SYT12: variants seen among roughly 807,000 people sequenced by gnomAD.
SYT12 encodes synaptotagmin 12.
In SYT12, 27 loss-of-function variants were observed where a neutral mutation model predicts 39.5. The ratio of observed to expected loss-of-function variants is 0.68; its 90% CI spans 0.50 to 0.94. The LOEUF is 0.94. SYT12 is among the 40% of genes least tolerant of loss of function. The pLI, the probability that SYT12 is intolerant of heterozygous loss-of-function variation, is 0.00. For missense variants in SYT12, 536 were observed against 572.6 expected (o/e 0.94, Z 0.65); for synonymous variants, 233 against 239.7 (o/e 0.97, Z 0.26).
chr11:67,019,846 G>A (rs1021594500), upstream of SYT12, among the ~76,000 whole-genome samples: 1 of 149,406 alleles, frequency 6.7e-6, no homozygotes, highest in African/African-American at 2.5e-5. Context: ...GCAGTAAGCC[G>A]TCTTTGTGCC....
Position 67,046,031 on chromosome 11 carries a change from C to T in SYT12, c.1092+154C>T, listed in dbSNP as rs940147282. 2.6e-5 allele frequency among the ~76,000 whole-genome samples: 4 copies of T among 151,980 alleles called. No individual in the cohort carries two copies. In the East Asian group the frequency reaches 7.8e-4, roughly 29 times the overall value. ...AGTTATTGAGTGCCACTGGGGCCAG[C>T]CCTAGGGTGGGTGCTGGGGACACAG... On this transcript the variant is annotated intron_variant, in intron 7 of 7. Transcript: ENST00000527043.
rs778561186 is a variant in SYT12 at position 67,040,008 on chromosome 11, C to T, written c.426C>T (p.Ser142=). ...QSADSLNSIS[S]VSNTFGQDFT... ...CCGACTCCCTGAACTCCATCTCCTC[C>T]GTGAGCAACACCTTTGGGCAGGACT... The change falls in exon 4 of 8, where the codon TCC becomes TCT. Residue 142 remains serine (S), a synonymous_variant. Transcript: ENST00000527043. The T allele has an allele frequency of 3.7e-6, 6 of 1,613,882 alleles. No homozygotes were observed. Among genetic ancestry groups the T allele is most frequent in the Non-Finnish European group, 5.1e-6 (6 of 1,180,020 alleles).
At chr11:67,019,838 A>G (rs1247051232), upstream of SYT12, among the ~76,000 whole-genome samples, 2 of 151,182 alleles carry the variant, frequency 1.3e-5, no homozygotes, top group African/African-American at 4.9e-5. Context: ...TCAAGGCTGC[A>G]GTAAGCCGTC....
Position 67,044,665 on chromosome 11 carries a change from G to T in SYT12, c.910G>T (p.Val304Leu). The part of the protein sequence containing the change: ...LPTAERLTVV[V>L]VKAKNLIWTN... ...CACAGCCGAGCGCCTCACCGTGGTC[G>T]TGGTTAAGGCCAAGAACCTCATCTG... The change falls in exon 6 of 8, where the codon GTG becomes TTG. Residue 304 changes from valine (V) to leucine (L), a missense_variant. Val to Leu is a conservative substitution (Grantham distance 32). Transcript: ENST00000527043. 5 of 1,613,720 alleles carry T rather than the reference G, an allele frequency of 3.1e-6. No homozygotes were observed. The highest frequency in any genetic ancestry group is 4.2e-6 in the Non-Finnish European group (5 of 1,179,998).
intron 3 of SYT12, among the ~76,000 whole-genome samples, chr11:67,036,665 G>A (rs1159497267): frequency 6.6e-6 from 1 of 152,180 alleles, no homozygotes; most frequent in Non-Finnish European, 1.5e-5. Flanking sequence ...GCCTGGTGTG[G>A]TGGCTCACGC....
At chr11:67,012,774 G>A (rs1950022492) in intron 3 of SYT12, among the ~76,000 whole-genome samples, 1 of 152,170 alleles carries the variant, frequency 6.6e-6, no homozygotes, top group Non-Finnish European at 1.5e-5. Context: ...TGCAGTTGAG[G>A]AAACTGAGGC....
intron 7 of SYT12, among the ~76,000 whole-genome samples, chr11:67,047,775 C>T (rs1197566017): frequency 8.4e-6 from 1 of 118,466 alleles, no homozygotes; most frequent in Non-Finnish European, 1.7e-5. Context: ...AAACCCCCAT[C>T]TCTTTTTTTT....
chr11:67,020,524 A>G (rs1042859727), upstream of SYT12, among the ~76,000 whole-genome samples: 2 of 152,214 alleles, frequency 1.3e-5, no homozygotes, highest in African/African-American at 4.8e-5. Flanking sequence ...CACAAAGTGA[A>G]CACACCCAGG....
rs780489002 is a variant in SYT12 at position 67,045,840 on chromosome 11, A to C, written c.1055A>C (p.Glu352Ala). 2.0e-5 allele frequency: 33 copies of C among 1,613,296 alleles called. No homozygotes were observed. The highest frequency in any genetic ancestry group is 2.7e-5 in the Non-Finnish European group (32 of 1,179,822). ...KRDDPNPVFN[E>A]AMIFSVPAIV... ...GATGACCCCAACCCGGTGTTCAACG[A>C]AGCCATGATCTTCTCGGTGCCAGCC... The change falls in exon 7 of 8, where the codon GAA (glutamate) becomes GCA (alanine). Residue 352 changes from glutamate to alanine, a missense_variant. Transcript: ENST00000527043.
intron 3 of SYT12, among the ~76,000 whole-genome samples, chr11:67,037,138 C>T (rs530745476): frequency 6.6e-6 from 1 of 152,158 alleles, no homozygotes; most frequent in East Asian, 1.9e-4. Context: ...GCCTGTAATT[C>T]CAGCTACTCA....
rs148852502 is a variant in SYT12 at position 67,025,350 on chromosome 11, A to G, written c.-24+1890A>G. Among the ~76,000 whole-genome samples the G allele has an allele frequency of 1.9e-3, 284 of 152,314 alleles. 2 individuals carry two copies. Among genetic ancestry groups the G allele is most frequent in the African/African-American group, 6.6e-3 (274 of 41,572 alleles). ...GAACCTAGAGCTGTTTTCAATGAGT[A>G]AGCTCTGTGCAGTTTAGGGTCTGGG... On this transcript the variant is annotated intron_variant, in intron 1 of 7. Coordinates refer to ENST00000527043, the MANE Select transcript of SYT12 (RefSeq NM_177963.4).
intron 3 of SYT12, among the ~76,000 whole-genome samples, chr11:67,011,652 G>A (rs1591348348): frequency 6.6e-6 from 1 of 152,154 alleles, no homozygotes; most frequent in Non-Finnish European, 1.5e-5. Context: ...TTCCACAGAG[G>A]CTCTTGGTAT....
chr11:67,044,958 G>A (rs1370569192), intron 6 of SYT12, among the ~76,000 whole-genome samples: 1 of 152,112 alleles, frequency 6.6e-6, no homozygotes, highest in Non-Finnish European at 1.5e-5. Context: ...GAGTGAAGGG[G>A]GTCAGAGTGA....
At chr11:67,033,809 AG>A (rs1338637054) in intron 2 of SYT12, among the ~76,000 whole-genome samples, 2 of 152,296 alleles carry the variant, frequency 1.3e-5, no homozygotes, top group East Asian at 3.9e-4. Flanking sequence ...TGGGAGAGGG[AG>A]GCAAAACCTT....
chr11:67,015,601 C>A (rs956349320), intron 3 of SYT12, among the ~76,000 whole-genome samples: 1 of 152,072 alleles, frequency 6.6e-6, no homozygotes, highest in Non-Finnish European at 1.5e-5. Flanking sequence ...ATGGCCAGGC[C>A]CAGGGATTTT....
At chr11:67,047,287 G>C (rs76099852) in intron 7 of SYT12, among the ~76,000 whole-genome samples, 2 of 71,704 alleles carry the variant, frequency 2.8e-5, no homozygotes, top group Non-Finnish European at 5.4e-5. Context: ...TTTTTTTTTT[G>C]AGACAGAGTC....
upstream of SYT12, among the ~76,000 whole-genome samples, chr11:67,020,851 C>A (rs1166165405): frequency 6.6e-6 from 1 of 152,212 alleles, no homozygotes; most frequent in African/African-American, 2.4e-5. Context: ...GCCTCAGCCT[C>A]CCGAGTAGCT....
chr11:67,049,358 C>T lies in SYT12; in HGVS notation c.*601C>T, dbSNP rs1402511706. On this transcript the variant is annotated 3_prime_UTR_variant, in exon 8 of 8. Coordinates refer to ENST00000527043, the MANE Select transcript of SYT12 (RefSeq NM_177963.4). ...CCCATCGCAAATGCAGTTCTCAGCC[C>T]ACTGCAGTGGATACAAGGAAGGGCC... 2 of 152,278 alleles carry T rather than the reference C, an allele frequency of 1.3e-5. No individual in the cohort carries two copies. The highest frequency in any genetic ancestry group is 4.8e-5 in the African/African-American group (2 of 41,424). The allele number at this position is 152,278 out of a possible 1,614,324, so 9.4% of individuals were successfully genotyped here. A position where few individuals can be genotyped will look rare whatever the true frequency, so the allele number is the denominator to read the frequency against.
intron 3 of SYT12, among the ~76,000 whole-genome samples, chr11:67,014,225 G>A (rs983738734): frequency 3.3e-5 from 5 of 152,200 alleles, no homozygotes; most frequent in Admixed American, 3.3e-4. Flanking sequence ...TATCTTTTTG[G>A]GGGGTCACAA....
Sources: allele counts gnomAD v4.1 joint callset (sites outside exome capture counted in the v4.1 genomes callset), GRCh38; gene constraint gnomAD v4.1.1; transcripts MANE v1.5; gene names NCBI Gene and HGNC (gene_info 2026-07-23, HGNC 2026-07-21).